The following MET variants were observed in gnomAD, a reference collection of about 807,000 sequenced individuals.
MET encodes the protein MET proto-oncogene, receptor tyrosine kinase.
MET carries 48 observed loss-of-function variants against 133.1 expected under a neutral mutation model. That is an observed-to-expected ratio of 0.36 (90% CI 0.29 to 0.46). The LOEUF (loss-of-function observed/expected upper bound fraction) is 0.46, where lower values mean the gene tolerates loss of function less well. Among genes scored for constraint, MET ranks in the 20% least tolerant of loss-of-function variants. The pLI is 1.00. For missense variants in MET, 1,442 were observed against 1,695.9 expected (o/e 0.85, Z 2.63); for synonymous variants, 628 against 616.5 (o/e 1.02, Z -0.28).
At chr7:116,707,979 G>A (rs1343440072) in intron 2 of MET, among the ~76,000 whole-genome samples, 1 of 152,142 alleles carries the variant, frequency 6.6e-6, no homozygotes, top group African/African-American at 2.4e-5. Context: ...GCAGGAGACA[G>A]AGGAAAGGAT....
At position 116,775,084 on chromosome 7, in the gene MET, G is replaced by C. The variant is rs1479922279; in HGVS notation, c.3232G>C (p.Val1078Leu). 1 of 1,614,162 alleles carries C rather than the reference G, an allele frequency of 6.2e-7. No individual in the cohort carries two copies. Residue 1078 changes from valine to leucine, a missense_variant, in exon 15 of 21, where the codon GTG becomes CTG. Physicochemically the swap from Val to Leu is conservative, Grantham distance 32. This residue lies in a region of MET where 514 missense variants were observed against 659.6 expected (regional missense o/e 0.78). Coordinates refer to ENST00000397752, the MANE Select transcript of MET (RefSeq NM_000245.4). The part of the protein sequence containing the change: ...HVVIGPSSLI[V>L]HFNEVIGRGH... ...AGTGATTGGGCCCAGTAGCCTGATT[G>C]TGCATTTCAATGAAGTCATAGGAAG...
intron 5 of MET, among the ~76,000 whole-genome samples, chr7:116,754,983 G>GGAAAGAAA (rs10674901): frequency 0.23 from 18,240 of 78,788 alleles, 2,705 homozygotes; most frequent in South Asian, 0.25. Context: ...AGCAGAGAAA[G>GGAAAGAAA]GAAAGAAAGA....
intron 2 of MET, among the ~76,000 whole-genome samples, chr7:116,713,699 G>T (rs1049479719): frequency 6.6e-6 from 1 of 152,188 alleles, no homozygotes; most frequent in Admixed American, 6.5e-5. Context: ...TGGCAAGATG[G>T]AAAGGAGGGA....
At chr7:116,769,089 C>T (rs1412894899) in intron 11 of MET, among the ~76,000 whole-genome samples, 1 of 151,930 alleles carries the variant, frequency 6.6e-6, no homozygotes, top group African/African-American at 2.4e-5. Flanking sequence ...AGTAAACTAC[C>T]CAACTCAAAC....
intron 2 of MET, among the ~76,000 whole-genome samples, chr7:116,702,273 A>G (rs569429258): frequency 6.6e-6 from 1 of 152,292 alleles, no homozygotes; most frequent in South Asian, 2.1e-4. Flanking sequence ...AAGGAAGCCA[A>G]CTTTTACACT....
chr7:116,745,469 C>T (rs547981313), intron 5 of MET, among the ~76,000 whole-genome samples: 1 of 152,322 alleles, frequency 6.6e-6, no homozygotes, highest in East Asian at 1.9e-4. Flanking sequence ...CCTGCATTGT[C>T]AAGTCAATAC....
chr7:116,755,260 T>G, intron 5 of MET, 95 bp from the exon 6 acceptor site: 4 of 1,342,230 alleles, frequency 3.0e-6, no homozygotes, highest in Non-Finnish European at 4.1e-6. Context: ...AATTTCAGAC[T>G]ATTTAAGGAT....
chr7:116,755,579 A>G, intron 6 of MET, 64 bp downstream of exon 6: 4 of 1,595,606 alleles, frequency 2.5e-6, no homozygotes, highest in Non-Finnish European at 2.6e-6. Flanking sequence ...TTGAATGAAT[A>G]TTTCTTTTAA....
chr7:116,695,891 C>T, intron 1 of MET: 1 of 361,238 alleles, frequency 2.8e-6, no homozygotes, highest in Non-Finnish European at 5.8e-6. Flanking sequence ...AACTACAGTT[C>T]TCTAGCTTGG....
At chr7:116,770,826 A>C (rs1794807815) in intron 12 of MET, among the ~76,000 whole-genome samples, 1 of 152,298 alleles carries the variant, frequency 6.6e-6, no homozygotes, top group African/African-American at 2.4e-5. Context: ...CATTTATCCA[A>C]GAGTAAGTGA....
intron 1 of MET, among the ~76,000 whole-genome samples, chr7:116,689,539 A>C: frequency 6.8e-6 from 1 of 146,526 alleles, no homozygotes; most frequent in Non-Finnish European, 1.5e-5. Flanking sequence ...GCTAAATCTC[A>C]GTTGGGATAT....
intron 3 of MET, among the ~76,000 whole-genome samples, chr7:116,736,438 T>C (rs1043839541): frequency 3.3e-5 from 5 of 152,200 alleles, no homozygotes; most frequent in African/African-American, 1.2e-4. Context: ...AAACATCTTA[T>C]CTTAAATTGT....
In MET at chr7:116,699,905, T is replaced by C. The variant is rs758569834; in HGVS notation, c.821T>C (p.Phe274Ser). ...AGGGAAACTCTAGATGCTCAGACTTTTCACACAAGAATAATCAGGTTCTGT... is the reference window on the plus strand; with the variant it reads ...AGGGAAACTCTAGATGCTCAGACTTCTCACACAAGAATAATCAGGTTCTGT... ...VQRETLDAQT[F>S]HTRIIRFCSI... Residue 274 changes from phenylalanine (F) to serine (S), a missense_variant, in exon 2 of 21, where the codon TTT (phenylalanine) becomes TCT (serine). By Grantham distance (155) the Phe-to-Ser change is radical. Transcript: ENST00000397752. The C allele has an allele frequency of 4.6e-5, 74 of 1,614,002 alleles. No homozygotes were observed. Among genetic ancestry groups the C allele is most frequent in the Non-Finnish European group, 6.2e-5 (73 of 1,179,988 alleles).
intron 1 of MET, among the ~76,000 whole-genome samples, chr7:116,684,154 C>A (rs557984934): frequency 5.3e-5 from 8 of 152,304 alleles, no homozygotes; most frequent in African/African-American, 1.7e-4. Flanking sequence ...GTTTATGATA[C>A]CCAGATAGAC....
At chr7:116,682,203 A>T (rs1337299680) in intron 1 of MET, among the ~76,000 whole-genome samples, 1 of 152,232 alleles carries the variant, frequency 6.6e-6, no homozygotes, top group Admixed American at 6.5e-5. Flanking sequence ...TTCATTAATG[A>T]CAATGAAAGG....
At chr7:116,740,745 A>G in intron 4 of MET, 107 bp from the exon 5 acceptor site, 1 of 1,411,752 alleles carries the variant, frequency 7.1e-7, no homozygotes, top group South Asian at 1.2e-5. Flanking sequence ...TAAGTCTAGA[A>G]AATTCCATCA....
intron 2 of MET, among the ~76,000 whole-genome samples, chr7:116,703,396 C>T (rs769590991): frequency 6.6e-6 from 1 of 152,122 alleles, no homozygotes; most frequent in Non-Finnish European, 1.5e-5. Flanking sequence ...ATTCATCAAT[C>T]AACCTCTATA....
Position 116,699,316 on chromosome 7 carries a change from C to T in MET, c.232C>T (p.Leu78Phe), listed in dbSNP as rs766815155. 7 of 1,614,038 alleles carry T rather than the reference C, an allele frequency of 4.3e-6. No individual in the cohort carries two copies. The South Asian group carries it at 7.7e-5, about 18-fold the overall frequency. The change falls in exon 2 of 21, where the codon CTT (leucine) becomes TTT (phenylalanine). Residue 78 changes from leucine to phenylalanine, a missense_variant. Transcript: ENST00000397752. The stretch of plus-strand genomic sequence containing the variant: ...CATTTATGTTTTAAATGAGGAAGAC[C>T]TTCAGAAGGTTGCTGAGTACAAGAC... ...NYIYVLNEEDLQKVAEYKTGP... is the reference protein window; with the variant it reads ...NYIYVLNEEDFQKVAEYKTGP...
chr7:116,696,661 C>T (rs1241081246), intron 1 of MET, among the ~76,000 whole-genome samples: 1 of 152,206 alleles, frequency 6.6e-6, no homozygotes, highest in African/African-American at 2.4e-5. Context: ...AGATTTAGGC[C>T]ATTTGCCTTC....
Sources: allele counts gnomAD v4.1 joint callset (sites outside exome capture counted in the v4.1 genomes callset), GRCh38; gene constraint gnomAD v4.1.1; regional missense constraint gnomAD v4.1.1; transcripts MANE v1.5; gene names NCBI Gene and HGNC (gene_info 2026-07-23, HGNC 2026-07-21).